The following ITGA4 variants were observed in gnomAD, a reference collection of about 807,000 sequenced individuals.
ITGA4 encodes the protein integrin alpha-4.
Under a neutral mutation model 133.6 loss-of-function variants are expected in ITGA4, and 63 were observed. The ratio of observed to expected loss-of-function variants is 0.47; its 90% CI spans 0.38 to 0.58. The LOEUF (loss-of-function observed/expected upper bound fraction) is 0.58. Among genes scored for constraint, ITGA4 ranks in the 20% least tolerant of loss-of-function variants. ITGA4 has a pLI of 0.00. For synonymous variants in ITGA4, 483 were observed against 438.0 expected (o/e 1.10, Z -1.28); for missense variants, 1,076 against 1,252.7 (o/e 0.86, Z 2.13).
intron 2 of ITGA4, among the ~76,000 whole-genome samples, chr2:181,459,846 ACTG>A (rs1460922310): frequency 2.0e-5 from 3 of 152,188 alleles, no homozygotes; most frequent in Non-Finnish European, 2.9e-5. Flanking sequence ...CATTATAACT[ACTG>A]ATATTTAGTG....
chr2:181,485,817 A>T, intron 9 of ITGA4, 64 bp from the exon 10 acceptor site: 1 of 1,353,278 alleles, frequency 7.4e-7, no homozygotes, highest in Admixed American at 2.1e-5. Context: ...CAATTACAAC[A>T]GTAAATCGTG....
intron 11 of ITGA4, among the ~76,000 whole-genome samples, chr2:181,494,193 A>G (rs1686113704): frequency 6.6e-6 from 1 of 152,226 alleles, no homozygotes. Flanking sequence ...TTCTTGTTAA[A>G]AAGTCAGCTT....
At position 181,535,702 on chromosome 2, in the gene ITGA4, T is replaced by G. The variant is rs1389640918; in HGVS notation, c.*175T>G. ...TCTCAGCAATGATTACTCTTTGAGA[T>G]AGAAGAACTGCAAAGGTAATAATAC... On this transcript the variant is annotated 3_prime_UTR_variant, in exon 28 of 28. Transcript: ENST00000397033. 1 of 705,642 alleles carries G rather than the reference T, an allele frequency of 1.4e-6. No individual in the cohort carries two copies. The highest frequency in any genetic ancestry group is 2.1e-6 in the Non-Finnish European group (1 of 465,352). 43.7% of individuals were successfully genotyped at this position (705,642 alleles called of 1,614,324 possible).
At chr2:181,475,823 G>C in intron 4 of ITGA4, 1 of 1,601,718 alleles carries the variant, frequency 6.2e-7, no homozygotes, top group Non-Finnish European at 8.5e-7. Context: ...GCTATAGGTA[G>C]CATCAGCAAG....
intron 17 of ITGA4, among the ~76,000 whole-genome samples, chr2:181,515,269 T>C (rs1486719591): frequency 6.6e-6 from 1 of 152,106 alleles, no homozygotes; most frequent in African/African-American, 2.4e-5. Context: ...TCTCTAGACC[T>C]CTTTCCTCAT....
intron 23 of ITGA4, among the ~76,000 whole-genome samples, chr2:181,530,034 C>T (rs978643357): frequency 6.6e-6 from 1 of 152,126 alleles, no homozygotes; most frequent in South Asian, 2.1e-4. Flanking sequence ...TAAGGAAGCA[C>T]TATTCAAACC....
chr2:181,463,816 C>T (rs1334064291), intron 2 of ITGA4, among the ~76,000 whole-genome samples: 1 of 152,098 alleles, frequency 6.6e-6, no homozygotes, highest in Non-Finnish European at 1.5e-5. Context: ...CATTCACCTC[C>T]AAGGCTTTGA....
intron 2 of ITGA4, among the ~76,000 whole-genome samples, chr2:181,462,794 C>T (rs754328751): frequency 6.6e-6 from 1 of 152,154 alleles, no homozygotes; most frequent in African/African-American, 2.4e-5. Flanking sequence ...CTTAAGTTTA[C>T]TTGGTCACTG....
intron 22 of ITGA4, among the ~76,000 whole-genome samples, chr2:181,528,892 C>G (rs774444325): frequency 6.6e-6 from 1 of 152,188 alleles, no homozygotes; most frequent in Admixed American, 6.5e-5. Flanking sequence ...TTATCATCCT[C>G]TTATGCATTT....
intron 2 of ITGA4, among the ~76,000 whole-genome samples, chr2:181,462,123 A>T (rs1328320620): frequency 6.6e-6 from 1 of 152,212 alleles, no homozygotes; most frequent in Non-Finnish European, 1.5e-5. Flanking sequence ...GTAGAGAAAC[A>T]TTAAGTTCTC....
intron 15 of ITGA4, 96 bp from the exon 16 acceptor site, chr2:181,509,562 A>G: frequency 2.5e-6 from 2 of 814,954 alleles, no homozygotes; most frequent in Non-Finnish European, 3.7e-6. Flanking sequence ...TTTGTCTTCC[A>G]TGTATAGTGT....
At chr2:181,458,459 A>T (rs766552075) in intron 2 of ITGA4, 142 bp downstream of exon 2, 213 of 874,772 alleles carry the variant, frequency 2.4e-4, no homozygotes, top group Non-Finnish European at 3.5e-4. Context: ...ACTCCATCTC[A>T]TCTTGCCTCC....
intron 10 of ITGA4, among the ~76,000 whole-genome samples, chr2:181,487,225 C>G (rs1216280185): frequency 6.6e-6 from 1 of 152,072 alleles, no homozygotes; most frequent in Non-Finnish European, 1.5e-5. Flanking sequence ...ACTAGCTTCC[C>G]CCTACTTCCC....
intron 4 of ITGA4, 114 bp from the exon 5 acceptor site, chr2:181,478,643 T>C (rs1487301406): frequency 2.2e-6 from 1 of 454,504 alleles, no homozygotes; most frequent in African/African-American, 2.0e-5. Flanking sequence ...TTTTTATTTT[T>C]AAAAAATACA....
intron 9 of ITGA4, among the ~76,000 whole-genome samples, chr2:181,484,624 T>G (rs1685875157): frequency 6.6e-6 from 1 of 152,168 alleles, no homozygotes; most frequent in Admixed American, 6.5e-5. Context: ...ATAAAATAAA[T>G]GACATTTAGT....
chr2:181,522,421 TCAC>T, intron 18 of ITGA4, 80 bp downstream of exon 18: 1 of 970,584 alleles, frequency 1.0e-6, no homozygotes, highest in Non-Finnish European at 1.5e-6. Flanking sequence ...AGAATTCACT[TCAC>T]TGATTTGGGG....
chr2:181,505,667 C>G (rs1000833688), intron 15 of ITGA4, among the ~76,000 whole-genome samples: 8 of 151,992 alleles, frequency 5.3e-5, no homozygotes, highest in Admixed American at 4.6e-4. Flanking sequence ...GAATATCTGT[C>G]AAATACAGTT....
At chr2:181,461,606 A>G (rs1685280532) in intron 2 of ITGA4, among the ~76,000 whole-genome samples, 1 of 152,226 alleles carries the variant, frequency 6.6e-6, no homozygotes, top group African/African-American at 2.4e-5. Context: ...AGCATAGTCC[A>G]TCCATGGACT....
At chr2:181,524,947 GT>G (rs1272114595) in intron 20 of ITGA4, among the ~76,000 whole-genome samples, 12 of 146,736 alleles carry the variant, frequency 8.2e-5, no homozygotes, top group African/African-American at 2.8e-4. Flanking sequence ...TCTAATAAAT[GT>G]AACTATTTGT....
Sources: allele counts gnomAD v4.1 joint callset (sites outside exome capture counted in the v4.1 genomes callset), GRCh38; gene constraint gnomAD v4.1.1; transcripts MANE v1.5; gene names NCBI Gene and HGNC (gene_info 2026-07-23, HGNC 2026-07-21).